PEX7: variants seen among roughly 807,000 people sequenced by gnomAD.
PEX7 encodes PTS2 receptor.
In PEX7, 34 loss-of-function variants were observed where a neutral mutation model predicts 47.5. The observed-to-expected ratio is 0.72, with a 90% CI of 0.54 to 0.95. PEX7 has a LOEUF of 0.95. PEX7 is among the 40% of genes least tolerant of loss of function. PEX7 has a pLI of 0.00. For missense variants in PEX7, 394 were observed against 400.3 expected (o/e 0.98, Z 0.13); for synonymous variants, 141 against 148.8 (o/e 0.95, Z 0.38).
At chr6:136,876,942 T>C (rs1371685221) in intron 8 of PEX7, among the ~76,000 whole-genome samples, 1 of 152,230 alleles carries the variant, frequency 6.6e-6, no homozygotes, top group African/African-American at 2.4e-5. Flanking sequence ...TGAACTAATT[T>C]ACACTCCCAC....
chr6:136,822,961 C>A, intron 1 of PEX7, 166 bp downstream of exon 1: 3 of 985,466 alleles, frequency 3.0e-6, no homozygotes, highest in Non-Finnish European at 3.6e-6. Context: ...CCTTTCTTTG[C>A]CGAGTGCGAG....
chr6:136,850,358 A>G (rs1335343213), intron 5 of PEX7, among the ~76,000 whole-genome samples: 6 of 152,212 alleles, frequency 3.9e-5, no homozygotes, highest in Admixed American at 3.9e-4. Flanking sequence ...GCCCATTTAC[A>G]TTTAAGGTTA....
intron 3 of PEX7, 105 bp from the exon 4 acceptor site, chr6:136,845,510 A>G (rs1023203401): frequency 2.7e-5 from 20 of 752,348 alleles, no homozygotes; most frequent in Admixed American, 1.7e-4. Flanking sequence ...ATGTTTTGAC[A>G]TAGTAAATTA....
chr6:136,890,321 A>G (rs1249307480), intron 8 of PEX7, among the ~76,000 whole-genome samples: 1 of 152,246 alleles, frequency 6.6e-6, no homozygotes, highest in African/African-American at 2.4e-5. Context: ...AAATATAAAC[A>G]GGGAAATATT....
chr6:136,846,165 T>G lies in PEX7; in HGVS notation c.510T>G (p.Cys170Trp). 6.2e-7 allele frequency: 1 copy of G among 1,610,370 alleles called. No homozygotes were observed. The highest frequency in any genetic ancestry group is 8.5e-7 in the Non-Finnish European group (1 of 1,176,792). ...TCTGGTCTCCCCACATCCCTGGTTG[T>G]TTTGCTTCAGCCTCAGGTAAATTAT... is the stretch of plus-strand genomic sequence containing the variant. ...STIWSPHIPGCFASASGDQTL... is the reference protein window; with the variant it reads ...STIWSPHIPGWFASASGDQTL... Residue 170 changes from cysteine to tryptophan, a missense_variant, in exon 5 of 10, where the codon TGT becomes TGG. Transcript: ENST00000318471.
chr6:136,853,198 A>G (rs1479505838), intron 5 of PEX7, among the ~76,000 whole-genome samples: 1 of 152,220 alleles, frequency 6.6e-6, no homozygotes, highest in Non-Finnish European at 1.5e-5. Context: ...CTTTCACACT[A>G]CAGTGGTGGA....
chr6:136,846,419 G>T (rs1774602190), intron 5 of PEX7, among the ~76,000 whole-genome samples: 1 of 152,048 alleles, frequency 6.6e-6, no homozygotes, highest in East Asian at 1.9e-4. Context: ...GTGTGCATGT[G>T]TGCCATGTTG....
intron 3 of PEX7, among the ~76,000 whole-genome samples, chr6:136,835,430 A>G (rs992587010): frequency 6.6e-6 from 1 of 151,778 alleles, no homozygotes; most frequent in East Asian, 1.9e-4. Flanking sequence ...CTCAGATTAT[A>G]GGTGTGTGCC....
intron 9 of PEX7, among the ~76,000 whole-genome samples, chr6:136,903,901 G>T (rs1291597918): frequency 6.6e-6 from 1 of 151,132 alleles, no homozygotes; most frequent in Non-Finnish European, 1.5e-5. Context: ...GGATCTCCTG[G>T]GCTCAAGTGA....
intron 8 of PEX7, among the ~76,000 whole-genome samples, chr6:136,882,175 C>CTTTTTTTTTTTTT (rs35653586): frequency 1.9e-5 from 2 of 104,308 alleles, no homozygotes; most frequent in Non-Finnish European, 3.8e-5. Context: ...TCTTCTTCTT[C>CTTTTTTTTTTTTT]TTTTTTTTTT....
At chr6:136,829,486 A>G (rs1319817722) in intron 3 of PEX7, among the ~76,000 whole-genome samples, 2 of 152,210 alleles carry the variant, frequency 1.3e-5, no homozygotes, top group Admixed American at 6.5e-5. Flanking sequence ...CAGAGGCCCT[A>G]CGTCCTAAAA....
intron 9 of PEX7, among the ~76,000 whole-genome samples, chr6:136,899,204 C>T (rs1372713918): frequency 6.6e-6 from 1 of 150,426 alleles, no homozygotes; most frequent in East Asian, 1.9e-4. Context: ...CCTCAGCCTC[C>T]TAAGTATCTG....
At chr6:136,875,471 T>G (rs1330061610) in intron 8 of PEX7, among the ~76,000 whole-genome samples, 1 of 152,226 alleles carries the variant, frequency 6.6e-6, no homozygotes, top group Non-Finnish European at 1.5e-5. Context: ...TAAAAAAATT[T>G]GTTAATAATT....
rs185579258 is a variant in PEX7, at chr6:136,843,875, G to A, written c.340-1740G>A. ...GGCAGGGCCAGGACTAGGGTAGAAT[G>A]TGTGAGGCACTCACTCTAGGTACAC... On this transcript the variant is annotated intron_variant, in intron 3 of 9. Transcript: ENST00000318471. Among the ~76,000 whole-genome samples the A allele has an allele frequency of 1.8e-4, 27 of 152,218 alleles. No homozygotes were observed. The East Asian group carries it at 3.9e-3, about 22-fold the overall frequency.
intron 1 of PEX7, among the ~76,000 whole-genome samples, chr6:136,825,009 CAG>C (rs1481927886): frequency 1.3e-5 from 2 of 152,136 alleles, no homozygotes; most frequent in Non-Finnish European, 2.9e-5. Flanking sequence ...TATGGAAAAA[CAG>C]AAATAGAGAA....
intron 3 of PEX7, among the ~76,000 whole-genome samples, chr6:136,828,625 T>A (rs1453717372): frequency 2.0e-5 from 3 of 152,264 alleles, no homozygotes; most frequent in Non-Finnish European, 4.4e-5. Flanking sequence ...ACATGATCTG[T>A]ACGTCTTTCA....
At chr6:136,847,686 T>G (rs1774652881) in intron 5 of PEX7, among the ~76,000 whole-genome samples, 1 of 152,164 alleles carries the variant, frequency 6.6e-6, no homozygotes, top group Admixed American at 6.6e-5. Flanking sequence ...AGGGCTCTGT[T>G]CTGTTCCATT....
chr6:136,869,759 A>G, intron 6 of PEX7, 131 bp from the exon 7 acceptor site: 1 of 789,576 alleles, frequency 1.3e-6, no homozygotes. Flanking sequence ...TTGTTATACA[A>G]CTTCTCAAAA....
chr6:136,875,544 T>C (rs1775255801), intron 8 of PEX7, among the ~76,000 whole-genome samples: 2 of 152,198 alleles, frequency 1.3e-5, no homozygotes, highest in African/African-American at 2.4e-5. Flanking sequence ...ATGGAACATA[T>C]TGAAATTTGG....
Sources: allele counts gnomAD v4.1 joint callset (sites outside exome capture counted in the v4.1 genomes callset), GRCh38; gene constraint gnomAD v4.1.1; transcripts MANE v1.5; gene names NCBI Gene and HGNC (gene_info 2026-07-23, HGNC 2026-07-21).